The following DNA2 variants were observed in gnomAD, a reference collection of about 807,000 sequenced individuals.
The protein encoded by DNA2 is DNA replication ATP-dependent helicase/nuclease DNA2.
Under a neutral mutation model 119.1 loss-of-function variants are expected in DNA2, and 101 were observed. The observed-to-expected ratio is 0.85, with a 90% CI of 0.72 to 1.00. The LOEUF is 1.00. Among genes scored for constraint, DNA2 ranks in the 50% least tolerant of loss-of-function variants. The pLI is 0.00. For missense variants in DNA2, 1,121 were observed against 1,255.5 expected, an observed-to-expected ratio of 0.89 and a Z score of 1.62; for synonymous variants, 366 against 424.4, an observed-to-expected ratio of 0.86 and a Z score of 1.69.
chr10:68,424,800 T>C (rs1306722773), intron 14 of DNA2: 7 of 1,152,318 alleles, frequency 6.1e-6, no homozygotes, highest in African/African-American at 1.5e-5. Context: ...AGATGTCATC[T>C]ACACTGAGCA....
chr10:68,419,340 G>C, intron 18 of DNA2, 127 bp from the exon 19 acceptor site: 5 of 703,768 alleles, frequency 7.1e-6, no homozygotes, highest in Non-Finnish European at 1.1e-5. Flanking sequence ...CTATCTCAAA[G>C]ACTGAATACA....
chr10:68,432,013 T>G lies in DNA2; in HGVS notation c.1874-42A>C, dbSNP rs758330868. On this transcript the variant is annotated intron_variant, in intron 12 of 20. Coordinates refer to ENST00000358410, the MANE Select transcript of DNA2 (RefSeq NM_001080449.3). Reference sequence around the variant, plus strand: ...AAATAACAGGAAAAAGAGTGTTGAATTTCAAAGGAAAAGTTAATTATTTCA... The same window carrying G: ...AAATAACAGGAAAAAGAGTGTTGAAGTTCAAAGGAAAAGTTAATTATTTCA... 26 of 1,460,834 alleles carry G rather than the reference T, an allele frequency of 1.8e-5. No homozygotes were observed. The Admixed American group carries it at 2.9e-4, about 16-fold the overall frequency. The allele number at this position is 1,460,834 out of a possible 1,614,324, so 90.5% of individuals were successfully genotyped here.
chr10:68,436,988 CA>C, intron 10 of DNA2, 22 bp downstream of exon 10: 1 of 1,555,802 alleles, frequency 6.4e-7, no homozygotes, highest in Non-Finnish European at 8.8e-7. Flanking sequence ...AAGCTGTTAT[CA>C]AAAAAAGTAA....
At chr10:68,432,075 T>C (rs531218657) in intron 12 of DNA2, 104 bp from the exon 13 acceptor site, 1 of 1,142,170 alleles carries the variant, frequency 8.8e-7, no homozygotes, top group African/African-American at 1.6e-5. Flanking sequence ...TATTCTTCAA[T>C]ACAAAACCAT....
chr10:68,415,728 A>C (rs1348602931), intron 20 of DNA2, among the ~76,000 whole-genome samples: 1 of 151,564 alleles, frequency 6.6e-6, no homozygotes, highest in Non-Finnish European at 1.5e-5. Flanking sequence ...ATCTCGGCTC[A>C]CTACAACCTC....
At chr10:68,455,098 C>T (rs550177525) in intron 5 of DNA2, among the ~76,000 whole-genome samples, 1 of 151,974 alleles carries the variant, frequency 6.6e-6, no homozygotes, top group South Asian at 2.1e-4. Flanking sequence ...CGCCACCATG[C>T]CTGGCCAATT....
At chr10:68,415,782 T>C (rs2051581124) in intron 20 of DNA2, among the ~76,000 whole-genome samples, 1 of 152,030 alleles carries the variant, frequency 6.6e-6, no homozygotes, top group East Asian at 1.9e-4. Context: ...GCATCATGAG[T>C]AGCTGGAACT....
intron 19 of DNA2, 93 bp downstream of exon 19, chr10:68,418,941 G>C: frequency 8.4e-7 from 1 of 1,186,318 alleles, no homozygotes; most frequent in Non-Finnish European, 1.2e-6. Flanking sequence ...CCAGGGGGCT[G>C]GGATTACAGG....
intron 8 of DNA2, 66 bp downstream of exon 8, chr10:68,444,855 G>C: frequency 1.6e-6 from 2 of 1,237,258 alleles, no homozygotes; most frequent in South Asian, 2.7e-5. Flanking sequence ...CTGGCCACCA[G>C]TGTTAAACGT....
chr10:68,423,616 T>A (rs540979257), intron 14 of DNA2, among the ~76,000 whole-genome samples: 3 of 152,288 alleles, frequency 2.0e-5, no homozygotes, highest in African/African-American at 7.2e-5. Flanking sequence ...GGAGGGTAGA[T>A]CTCTGCCCTT....
At chr10:68,441,213 C>T (rs1437727412) in intron 9 of DNA2, among the ~76,000 whole-genome samples, 2 of 151,092 alleles carry the variant, frequency 1.3e-5, no homozygotes, top group African/African-American at 4.9e-5. Flanking sequence ...ACCTATGGTC[C>T]TAGCTACTCA....
In DNA2 at chr10:68,430,675, G is replaced by T; in HGVS notation, c.1984-15C>A. The T allele has an allele frequency of 6.7e-7, 1 of 1,501,946 alleles. No individual in the cohort carries two copies. Among genetic ancestry groups the T allele is most frequent in the South Asian group, 1.3e-5 (1 of 77,202 alleles). The allele number at this position is 1,501,946 out of a possible 1,614,324, so 93.0% of individuals were successfully genotyped here. On this transcript the variant is annotated splice_polypyrimidine_tract_variant and intron_variant, in intron 13 of 20. Transcript: ENST00000358410. ...AGAATTCTTACCTAATAATGGGTAAGAGAAAAAAGAAAAAACAGCCTTACT... is the reference window on the plus strand; with the variant it reads ...AGAATTCTTACCTAATAATGGGTAATAGAAAAAAGAAAAAACAGCCTTACT...
intron 18 of DNA2, 70 bp downstream of exon 18, chr10:68,419,729 TGTAA>T (rs1236585282): frequency 5.3e-6 from 6 of 1,133,912 alleles, no homozygotes; most frequent in African/African-American, 3.1e-5. Context: ...AATGCCAGAT[TGTAA>T]GTGTCTTACA....
At chr10:68,459,074 CTATA>C (rs919463440) in intron 5 of DNA2, 26 bp downstream of exon 5, 2 of 1,552,864 alleles carry the variant, frequency 1.3e-6, no homozygotes, top group African/African-American at 2.7e-5. Flanking sequence ...AATATGAAGA[CTATA>C]TATATAAACA....
intron 5 of DNA2, among the ~76,000 whole-genome samples, chr10:68,451,411 A>G (rs1411101245): frequency 2.0e-5 from 3 of 152,306 alleles, no homozygotes; most frequent in South Asian, 4.1e-4. Context: ...AAGGAACGAG[A>G]AGAGGTGGAA....
chr10:68,424,019 C>G (rs2051701865), intron 14 of DNA2, among the ~76,000 whole-genome samples: 1 of 152,112 alleles, frequency 6.6e-6, no homozygotes, highest in Non-Finnish European at 1.5e-5. Flanking sequence ...TCAATGAAAA[C>G]AGATGACAAT....
At chr10:68,438,700 G>A (rs1004988050) in intron 9 of DNA2, among the ~76,000 whole-genome samples, 15 of 151,880 alleles carry the variant, frequency 9.9e-5, no homozygotes, top group African/African-American at 3.4e-4. Context: ...CTAATGTTAG[G>A]GAAGAAAATG....
chr10:68,458,066 AGGAG>A (rs1324824149), intron 5 of DNA2, among the ~76,000 whole-genome samples: 1 of 151,794 alleles, frequency 6.6e-6, no homozygotes, highest in Non-Finnish European at 1.5e-5. Flanking sequence ...CCAGCTACTC[AGGAG>A]GCTGAGGCAG....
intron 14 of DNA2, among the ~76,000 whole-genome samples, chr10:68,429,348 C>T (rs984686568): frequency 6.6e-6 from 1 of 151,638 alleles, no homozygotes. Flanking sequence ...AGTGCGAGAC[C>T]AGCCTGACCA....
Sources: gnomAD v4.1 joint callset for allele counts (sites outside exome capture counted in the v4.1 genomes callset) on GRCh38, gnomAD v4.1.1 for gene constraint, MANE v1.5 for transcripts, NCBI Gene and HGNC (gene_info 2026-07-23, HGNC 2026-07-21) for gene names.